The following RBFOX1 variants were observed in gnomAD, a reference collection of about 807,000 sequenced individuals.
RBFOX1 encodes the protein RNA binding fox-1 homolog 1, also known as RNA binding protein fox-1 homolog 1.
In RBFOX1, 8 loss-of-function variants were observed where a neutral mutation model predicts 57.7. The ratio of observed to expected loss-of-function variants is 0.14; its 90% CI spans 0.08 to 0.25. RBFOX1 has a LOEUF of 0.25. Ranked by LOEUF, RBFOX1 falls within the 10% of genes least tolerant of loss-of-function variation. The pLI is 1.00. For missense variants in RBFOX1, 611 were observed against 548.5 expected, an observed-to-expected ratio of 1.11 and a Z score of -1.14; for synonymous variants, 326 against 222.4, an observed-to-expected ratio of 1.47 and a Z score of -4.15.
At chr16:6,679,357 T>C (rs2058261388) in intron 3 of RBFOX1, among the ~76,000 whole-genome samples, 1 of 152,062 alleles carries the variant, frequency 6.6e-6, no homozygotes, top group African/African-American at 2.4e-5. Flanking sequence ...TGTTCTGATG[T>C]TTGGGAAATG....
chr16:7,352,971 C>T (rs923820022), intron 4 of RBFOX1, among the ~76,000 whole-genome samples: 2 of 152,086 alleles, frequency 1.3e-5, no homozygotes, highest in African/African-American at 4.8e-5. Flanking sequence ...TTGGCTTGGC[C>T]TCCCAAAGTG....
At chr16:6,572,839 C>G (rs1398565988) in intron 2 of RBFOX1, among the ~76,000 whole-genome samples, 1 of 152,106 alleles carries the variant, frequency 6.6e-6, no homozygotes, top group Non-Finnish European at 1.5e-5. Context: ...AGTGATCCAC[C>G]CACCTTCGCC....
chr16:7,055,325 G>C (rs984289289), intron 4 of RBFOX1, among the ~76,000 whole-genome samples: 1 of 152,106 alleles, frequency 6.6e-6, no homozygotes, highest in Non-Finnish European at 1.5e-5. Flanking sequence ...GTGAGTTATA[G>C]ACAAGCTAAG....
intron 2 of RBFOX1, among the ~76,000 whole-genome samples, chr16:6,541,154 A>C (rs181565287): frequency 1.3e-5 from 2 of 152,216 alleles, no homozygotes; most frequent in South Asian, 4.1e-4. Flanking sequence ...AGTTGGTAGT[A>C]GGACACAGAT....
intron 3 of RBFOX1, among the ~76,000 whole-genome samples, chr16:7,014,149 C>T (rs755066713): frequency 3.3e-5 from 5 of 152,152 alleles, no homozygotes; most frequent in Non-Finnish European, 5.9e-5. Context: ...TCAAAAAGAA[C>T]TGTCCAAGGT....
intron 4 of RBFOX1, among the ~76,000 whole-genome samples, chr16:7,242,281 G>C (rs1213218999): frequency 6.6e-6 from 1 of 152,166 alleles, no homozygotes. Flanking sequence ...GCATGTAAAT[G>C]TCTGAATAAA....
intron 1 of RBFOX1, among the ~76,000 whole-genome samples, chr16:5,377,268 T>A (rs1240657344): frequency 6.6e-6 from 1 of 151,462 alleles, no homozygotes; most frequent in East Asian, 1.9e-4. Flanking sequence ...GTAGGGTAAG[T>A]GCTTTGAAGG....
At chr16:7,237,262 C>T (rs550268385) in intron 4 of RBFOX1, among the ~76,000 whole-genome samples, 5 of 152,310 alleles carry the variant, frequency 3.3e-5, no homozygotes, top group Admixed American at 6.5e-5. Context: ...CTGGTCCCAG[C>T]GGGGACCATG....
chr16:6,516,859 G>A (rs1006049978), intron 2 of RBFOX1, among the ~76,000 whole-genome samples: 14 of 152,200 alleles, frequency 9.2e-5, no homozygotes, highest in Middle Eastern at 3.4e-3. Flanking sequence ...GCATACAGTG[G>A]GGTATTATGG....
chr16:6,569,967 G>A (rs1199987161), intron 2 of RBFOX1, among the ~76,000 whole-genome samples: 4 of 152,098 alleles, frequency 2.6e-5, no homozygotes, highest in African/African-American at 4.8e-5. Context: ...CAGCCTGCCG[G>A]TAATTTGTTT....
chr16:5,807,150 A>C (rs2055256573), intron 3 of RBFOX1, among the ~76,000 whole-genome samples: 1 of 152,166 alleles, frequency 6.6e-6, no homozygotes, highest in Non-Finnish European at 1.5e-5. Flanking sequence ...GTGACAACAC[A>C]ATTACTTAAC....
intron 3 of RBFOX1, among the ~76,000 whole-genome samples, chr16:7,036,867 G>T (rs2044627793): frequency 6.6e-6 from 1 of 152,216 alleles, no homozygotes; most frequent in Non-Finnish European, 1.5e-5. Flanking sequence ...TCATCAGAGT[G>T]GATGATGAGC....
intron 4 of RBFOX1, among the ~76,000 whole-genome samples, chr16:5,940,750 A>C (rs1218788085): frequency 2.6e-5 from 4 of 152,172 alleles, no homozygotes; most frequent in Admixed American, 6.5e-5. Flanking sequence ...GGGGAGGAGA[A>C]ATAAATTCTT....
In RBFOX1 at chr16:7,698,183, GGTGTGTGTGTGTGTGTGT is replaced by G. The variant is rs59239865; in HGVS notation, c.996-10858_996-10841del. Reference sequence around the variant, plus strand: ...TTGTTTTAGACACAGAGTCCAAGAGGGTGTGTGTGTGTGTGTGTGTGTGTGTGTGTGTATAAAGGGGGT... The same window carrying G: ...TTGTTTTAGACACAGAGTCCAAGAGGGTGTGTGTGTGTGTATAAAGGGGGT... On this transcript the variant is annotated intron_variant, in intron 14 of 15. Coordinates refer to ENST00000550418, the MANE Select transcript of RBFOX1 (RefSeq NM_018723.4). Among the ~76,000 whole-genome samples, 2,575 of 136,196 alleles carry G rather than the reference GGTGTGTGTGTGTGTGTGT, an allele frequency of 0.019. 116 individuals are homozygous for G. In the East Asian group the frequency reaches 0.25, roughly 13 times the overall value. The allele number at this position is 136,196 out of a possible 152,430, so 89.3% of individuals were successfully genotyped here. A position where few individuals can be genotyped will look rare whatever the true frequency, so the allele number is the denominator to read the frequency against.
intron 2 of RBFOX1, among the ~76,000 whole-genome samples, chr16:6,402,661 C>G (rs148065801): frequency 6.6e-6 from 1 of 152,248 alleles, no homozygotes; most frequent in East Asian, 1.9e-4. Flanking sequence ...TAAACACATA[C>G]ACACACACAG....
intron 3 of RBFOX1, among the ~76,000 whole-genome samples, chr16:6,808,839 C>G (rs760642318): frequency 1.4e-4 from 21 of 152,112 alleles, no homozygotes; most frequent in African/African-American, 4.3e-4. Context: ...AAATCACTAC[C>G]TCTTACCAAG....
chr16:6,139,471 A>C (rs1246485116), intron 1 of RBFOX1, among the ~76,000 whole-genome samples: 1 of 152,194 alleles, frequency 6.6e-6, no homozygotes, highest in Admixed American at 6.5e-5. Context: ...CATTCAGCAC[A>C]GTTCAGCCTG....
chr16:5,500,149 C>A (rs981504878), intron 2 of RBFOX1, among the ~76,000 whole-genome samples: 46 of 146,336 alleles, frequency 3.1e-4, no homozygotes, highest in African/African-American at 1.0e-3. Flanking sequence ...TCCCTCCTTC[C>A]CTTCCTCCCC....
intron 2 of RBFOX1, among the ~76,000 whole-genome samples, chr16:6,588,720 A>AGG (rs2097667069): frequency 1.3e-5 from 2 of 152,206 alleles, no homozygotes; most frequent in Non-Finnish European, 2.9e-5. Context: ...TGATTTACAA[A>AGG]GTTAGTCTTG....
Sources: gnomAD v4.1 joint callset for allele counts (sites outside exome capture counted in the v4.1 genomes callset) on GRCh38, gnomAD v4.1.1 for gene constraint, MANE v1.5 for transcripts, NCBI Gene and HGNC (gene_info 2026-07-23, HGNC 2026-07-21) for gene names.